The following RAD52 variants were observed in gnomAD, a reference collection of about 807,000 sequenced individuals.
The protein encoded by RAD52 is RAD52 DNA repair protein, also known as DNA repair protein RAD52 homolog.
Under a neutral mutation model 55.5 loss-of-function variants are expected in RAD52, and 47 were observed. That is an observed-to-expected ratio of 0.85 (90% confidence interval 0.67 to 1.08). The LOEUF is 1.08. Ranked by LOEUF, RAD52 falls within the 50% of genes least tolerant of loss-of-function variation. The pLI is 0.00. For synonymous variants in RAD52, 184 were observed against 198.9 expected (o/e 0.92, Z 0.63); for missense variants, 468 against 522.8 (o/e 0.90, Z 1.02).
chr12:972,622 C>T (rs1000918529), intron 1 of RAD52, among the ~76,000 whole-genome samples: 12 of 152,066 alleles, frequency 7.9e-5, no homozygotes, highest in East Asian at 5.8e-4. Flanking sequence ...AAAAATTAGC[C>T]GGGCGTGGTG....
In RAD52 at chr12:914,556, G is replaced by A. The variant is rs1592306364; in HGVS notation, c.866-24C>T. 5 of 1,611,942 alleles carry A rather than the reference G, an allele frequency of 3.1e-6. No individual in the cohort carries two copies. The Admixed American group carries it at 6.7e-5, about 22-fold the overall frequency. ...TGCTACGGTTCACAGAGGAGAGAAA[G>A]GACAAGTCATCATCACATCACTGCA... On this transcript the variant is annotated intron_variant, in intron 9 of 11. Coordinates refer to ENST00000358495, the MANE Select transcript of RAD52 (RefSeq NM_134424.4).
intron 1 of RAD52, among the ~76,000 whole-genome samples, chr12:988,910 G>A (rs1181550373): frequency 8.3e-6 from 1 of 120,976 alleles, no homozygotes; most frequent in Non-Finnish European, 1.7e-5. Context: ...ATGAGATTTG[G>A]TAGAGACAAA....
At chr12:922,443 T>C (rs540543570) in intron 7 of RAD52, among the ~76,000 whole-genome samples, 12 of 152,260 alleles carry the variant, frequency 7.9e-5, no homozygotes, top group African/African-American at 2.9e-4. Context: ...ATAGCAGCAT[T>C]ATTCACAATA....
chr12:959,270 C>T (rs927159818), intron 1 of RAD52, among the ~76,000 whole-genome samples: 2 of 152,194 alleles, frequency 1.3e-5, no homozygotes, highest in Non-Finnish European at 2.9e-5. Flanking sequence ...ACTCTCAAAT[C>T]CAAGGCTGAT....
chr12:946,879 ATAC>A (rs1463873717), intron 1 of RAD52, among the ~76,000 whole-genome samples: 5 of 152,358 alleles, frequency 3.3e-5, no homozygotes, highest in South Asian at 4.1e-4. Context: ...TACACCGTTT[ATAC>A]TACAAGATAA....
chr12:912,052 T>G lies in RAD52; in HGVS notation c.*1339A>C, dbSNP rs554673472. 2.5e-5 allele frequency: 5 copies of G among 200,148 alleles called. No individual in the cohort carries two copies. The highest frequency in any genetic ancestry group is 3.8e-4 in the South Asian group (2 of 5,202). The allele number at this position is 200,148 out of a possible 1,614,324, so 12.4% of individuals were successfully genotyped here. ...AAAAAAAAGTTGTTAAACTGCAAAC[T>G]TCATTATTTTGGGGGAAGAATTATG... On this transcript the variant is annotated 3_prime_UTR_variant, in exon 12 of 12. Transcript: ENST00000358495.
chr12:954,418 GGT>G (rs1958577801), upstream of RAD52, among the ~76,000 whole-genome samples: 1 of 152,162 alleles, frequency 6.6e-6, no homozygotes, highest in African/African-American at 2.4e-5. Context: ...GATCACTTGA[GGT>G]CAGGAGTTTG....
rs1958754411 is a variant in RAD52 at position 965,827 on chromosome 12, CACAT to C, written c.-19+23978_-19+23981del. On this transcript the variant is annotated intron_variant, in intron 1 of 11. Coordinates refer to the RAD52 transcript ENST00000430095. ...TCAGCCTCCTAAGTAGCTGGGATTA[CACAT>C]ATGCACCACCACACCTGGCTAATTT... 8.6e-5 allele frequency among the ~76,000 whole-genome samples: 13 copies of C among 152,034 alleles called. No individual in the cohort carries two copies. The South Asian group carries it at 2.7e-3, about 32-fold the overall frequency.
chr12:926,983 G>T, intron 6 of RAD52, 162 bp downstream of exon 6: 1 of 1,570,646 alleles, frequency 6.4e-7, no homozygotes, highest in South Asian at 1.1e-5. Context: ...TAACGAAAGT[G>T]GGAAAACGGC....
At chr12:942,952 A>G (rs562435010) in intron 1 of RAD52, among the ~76,000 whole-genome samples, 12 of 152,182 alleles carry the variant, frequency 7.9e-5, no homozygotes, top group Non-Finnish European at 1.6e-4. Context: ...TAACCAGGAT[A>G]TAAAGGTTAT....
At chr12:947,506 T>C (rs10849600) in intron 1 of RAD52, among the ~76,000 whole-genome samples, 145,191 of 147,760 alleles carry the variant, frequency 0.98, 71,337 homozygotes, top group Non-Finnish European at 1. Context: ...AAAATTAGCC[T>C]GGCATAGTGG....
rs76818611 is a variant in RAD52 at position 923,249 on chromosome 12, A to G, written c.543+2201T>C. Reference sequence around the variant, plus strand: ...AAAAAAAAAGCCCCCAAAAAAAGTTAATTAGCTGGCTCCAGGTACAGTGGC... The same window carrying G: ...AAAAAAAAAGCCCCCAAAAAAAGTTGATTAGCTGGCTCCAGGTACAGTGGC... On this transcript the variant is annotated intron_variant, in intron 7 of 11. Transcript: ENST00000358495. Among the ~76,000 whole-genome samples the G allele has an allele frequency of 5.6e-3, 850 of 151,878 alleles. 11 individuals carry two copies. The highest frequency in any genetic ancestry group is 0.05 in the East Asian group (259 of 5,178).
At chr12:958,204 G>A (rs994748608) in intron 1 of RAD52, among the ~76,000 whole-genome samples, 2 of 151,786 alleles carry the variant, frequency 1.3e-5, no homozygotes, top group Non-Finnish European at 2.9e-5. Flanking sequence ...TCAGAAAGCT[G>A]TATTGCCTTC....
At chr12:973,779 C>CTTTTTTTT (rs1401411600) in intron 1 of RAD52, among the ~76,000 whole-genome samples, 7 of 136,848 alleles carry the variant, frequency 5.1e-5, no homozygotes, top group African/African-American at 9.1e-5. Context: ...ACGCCCAGTC[C>CTTTTTTTT]TTCTTTTTTT....
At chr12:947,712 C>A (rs949590238) in intron 1 of RAD52, among the ~76,000 whole-genome samples, 2 of 151,354 alleles carry the variant, frequency 1.3e-5, no homozygotes, top group South Asian at 2.1e-4. Flanking sequence ...CATGGTGAAA[C>A]CCTGTCTCTA....
At chr12:950,387 T>C (rs1958495192), upstream of RAD52, among the ~76,000 whole-genome samples, 1 of 151,368 alleles carries the variant, frequency 6.6e-6, no homozygotes, top group Admixed American at 6.6e-5. Flanking sequence ...CTGGGCAACA[T>C]GGCGAAACCC....
upstream of RAD52, among the ~76,000 whole-genome samples, chr12:949,983 C>A (rs1328900222): frequency 3.9e-5 from 6 of 152,160 alleles, no homozygotes; most frequent in African/African-American, 4.8e-5. Context: ...GTGGGCCTGG[C>A]GGTTTCGTCA....
intron 1 of RAD52, among the ~76,000 whole-genome samples, chr12:979,569 G>C (rs1430158152): frequency 6.6e-6 from 1 of 152,196 alleles, no homozygotes; most frequent in South Asian, 2.1e-4. Flanking sequence ...GCGTGTGTGT[G>C]TGTGTGTGCA....
intron 1 of RAD52, among the ~76,000 whole-genome samples, chr12:955,975 T>G (rs984742488): frequency 1.3e-5 from 2 of 152,128 alleles, no homozygotes; most frequent in Admixed American, 6.6e-5. Context: ...GAGAGAGGGT[T>G]TCACCATGTT....
Sources: allele counts gnomAD v4.1 joint callset (sites outside exome capture counted in the v4.1 genomes callset), GRCh38; gene constraint gnomAD v4.1.1; transcripts MANE v1.5; gene names NCBI Gene and HGNC (gene_info 2026-07-23, HGNC 2026-07-21).